ERBB4: variants seen among roughly 807,000 people sequenced by gnomAD.
ERBB4 encodes receptor tyrosine-protein kinase erbB-4.
Under a neutral mutation model 158.0 loss-of-function variants are expected in ERBB4, and 42 were observed. The ratio of observed to expected loss-of-function variants is 0.27; its 90% CI spans 0.21 to 0.34. The LOEUF (loss-of-function observed/expected upper bound fraction) is 0.34, where lower values mean the gene tolerates loss of function less well. ERBB4 is among the 10% of genes least tolerant of loss of function. The pLI is 1.00. For synonymous variants in ERBB4, 583 were observed against 558.7 expected, an observed-to-expected ratio of 1.04 and a Z score of -0.61; for missense variants, 1,333 against 1,624.1, an observed-to-expected ratio of 0.82 and a Z score of 3.08.
chr2:212,355,829 T>C (rs532270178), intron 1 of ERBB4, among the ~76,000 whole-genome samples: 1 of 152,058 alleles, frequency 6.6e-6, no homozygotes, highest in South Asian at 2.1e-4. Flanking sequence ...TGTGTATATA[T>C]ATGTGTATAT....
Position 211,505,478 on chromosome 2 carries a change from AG to A in ERBB4, c.2487+56424del, listed in dbSNP as rs2065721155. 2.3e-4 allele frequency among the ~76,000 whole-genome samples: 34 copies of A among 147,540 alleles called. No homozygotes were observed. In the South Asian group the frequency reaches 7.1e-3, roughly 31 times the overall value. ...AAGGAATTCTAAACACGAAAATGAA[AG>A]AATGATACTCACCATCATAAAAAAA... is the stretch of plus-strand genomic sequence containing the variant. On this transcript the variant is annotated intron_variant, in intron 20 of 27. Transcript: ENST00000342788.
intron 1 of ERBB4, among the ~76,000 whole-genome samples, chr2:212,265,786 T>A (rs941671205): frequency 5.3e-5 from 8 of 152,104 alleles, no homozygotes; most frequent in Non-Finnish European, 1.0e-4. Context: ...TCAATTACTT[T>A]GTCTTTCTGA....
chr2:211,505,578 A>G (rs1260679546), intron 20 of ERBB4, among the ~76,000 whole-genome samples: 1 of 113,150 alleles, frequency 8.8e-6, no homozygotes, highest in Admixed American at 1.0e-4. Context: ...TAGCAAACAA[A>G]CAAACAAACA....
At chr2:212,306,717 T>TA (rs961209411) in intron 1 of ERBB4, among the ~76,000 whole-genome samples, 1 of 12,128 alleles carries the variant, frequency 8.2e-5, no homozygotes, top group African/African-American at 9.5e-5. Flanking sequence ...CTGCCACTTA[T>TA]TTTTTTTTAC....
intron 20 of ERBB4, among the ~76,000 whole-genome samples, chr2:211,456,074 T>A (rs1229514651): frequency 6.6e-6 from 1 of 152,204 alleles, no homozygotes; most frequent in Non-Finnish European, 1.5e-5. Flanking sequence ...TTATTGTGTA[T>A]TGACTGATGA....
chr2:212,320,966 T>C lies in ERBB4; in HGVS notation c.83-196063A>G, dbSNP rs140756475. On this transcript the variant is annotated intron_variant, in intron 1 of 27. Coordinates refer to ENST00000342788, the MANE Select transcript of ERBB4 (RefSeq NM_005235.3). ...AAACTGTTTCTTTTTGTTGTTTTTA[T>C]ATTTTTATTTTTAAAACACAGATAT... 1.8e-4 allele frequency among the ~76,000 whole-genome samples: 27 copies of C among 150,414 alleles called. No individual in the cohort carries two copies. In the East Asian group the frequency reaches 5.3e-3, roughly 29 times the overall value.
intron 12 of ERBB4, among the ~76,000 whole-genome samples, chr2:211,688,225 G>T (rs1461531097): frequency 3.3e-5 from 5 of 152,120 alleles, no homozygotes; most frequent in Non-Finnish European, 7.4e-5. Context: ...ATTTCCATCT[G>T]GTATTATTTC....
intron 1 of ERBB4, among the ~76,000 whole-genome samples, chr2:212,158,762 A>T (rs1469474912): frequency 6.6e-6 from 1 of 152,038 alleles, no homozygotes; most frequent in Non-Finnish European, 1.5e-5. Context: ...ATATCTGTCA[A>T]TATGAGATGA....
intron 1 of ERBB4, among the ~76,000 whole-genome samples, chr2:212,203,526 G>A (rs1012011520): frequency 6.6e-6 from 1 of 152,118 alleles, no homozygotes; most frequent in African/African-American, 2.4e-5. Flanking sequence ...GAAGGCACTG[G>A]GAAAGTTTTG....
At chr2:212,059,211 A>G (rs577255606) in intron 2 of ERBB4, among the ~76,000 whole-genome samples, 2 of 152,296 alleles carry the variant, frequency 1.3e-5, no homozygotes, top group East Asian at 3.9e-4. Context: ...AGAGAATAAA[A>G]CACCTAGGAA....
chr2:212,375,965 G>A (rs2090305021), intron 1 of ERBB4, among the ~76,000 whole-genome samples: 2 of 152,084 alleles, frequency 1.3e-5, no homozygotes, highest in Admixed American at 1.3e-4. Flanking sequence ...CCATGTTGAA[G>A]ATGAAGCCTG....
chr2:212,479,551 C>T (rs1474370357), intron 1 of ERBB4, among the ~76,000 whole-genome samples: 4 of 152,144 alleles, frequency 2.6e-5, no homozygotes, highest in African/African-American at 7.2e-5. Flanking sequence ...AAATTCCTCT[C>T]TCTCTCTTAG....
At chr2:212,182,325 C>G (rs747415379) in intron 1 of ERBB4, among the ~76,000 whole-genome samples, 2 of 151,832 alleles carry the variant, frequency 1.3e-5, no homozygotes, top group African/African-American at 4.8e-5. Context: ...CCACAAGAAC[C>G]TGCACTCTTA....
intron 1 of ERBB4, among the ~76,000 whole-genome samples, chr2:212,208,765 T>C (rs1176393479): frequency 6.6e-6 from 1 of 152,124 alleles, no homozygotes; most frequent in Non-Finnish European, 1.5e-5. Context: ...CCTGTAACAC[T>C]TCCAGCCTTA....
chr2:211,524,842 G>T, intron 20 of ERBB4, among the ~76,000 whole-genome samples: 1 of 142,234 alleles, frequency 7.0e-6, no homozygotes. Flanking sequence ...GCGGTGGGCT[G>T]AAGGGCTCCT....
At chr2:212,464,927 C>T (rs904331851) in intron 1 of ERBB4, among the ~76,000 whole-genome samples, 3 of 148,930 alleles carry the variant, frequency 2.0e-5, no homozygotes, top group Non-Finnish European at 4.5e-5. Context: ...CACACACACA[C>T]CCCTTAGAAA....
chr2:211,924,367 C>T (rs1028048912), intron 3 of ERBB4, among the ~76,000 whole-genome samples: 2 of 152,046 alleles, frequency 1.3e-5, no homozygotes, highest in African/African-American at 4.8e-5. Flanking sequence ...CTATTGGGTA[C>T]AATGAACACT....
intron 19 of ERBB4, among the ~76,000 whole-genome samples, chr2:211,598,387 T>C (rs1457584938): frequency 6.6e-6 from 1 of 152,076 alleles, no homozygotes; most frequent in Admixed American, 6.5e-5. Flanking sequence ...GGCTGAGAAA[T>C]AGAGGAAAGT....
chr2:211,961,239 A>G lies in ERBB4; in HGVS notation c.235-13623T>C, dbSNP rs535264648. 1.8e-4 allele frequency among the ~76,000 whole-genome samples: 28 copies of G among 152,228 alleles called. No homozygotes were observed. In the South Asian group the frequency reaches 5.6e-3, roughly 30 times the overall value. The stretch of plus-strand genomic sequence containing the variant: ...CATTGGTGTGTACCAGCTTTTCTTC[A>G]GACTTATTTTTTTTTCCAAGAATGT... On this transcript the variant is annotated intron_variant, in intron 2 of 27. Transcript: ENST00000342788.
Sources: allele counts gnomAD v4.1 joint callset (sites outside exome capture counted in the v4.1 genomes callset), GRCh38; gene constraint gnomAD v4.1.1; transcripts MANE v1.5; gene names NCBI Gene and HGNC (gene_info 2026-07-23, HGNC 2026-07-21).